ZBTB16: variants seen among roughly 807,000 people sequenced by gnomAD.
ZBTB16 encodes zinc finger and BTB domain containing 16.
In ZBTB16, 8 loss-of-function variants were observed where a neutral mutation model predicts 56.8. That is an observed-to-expected ratio of 0.14 (90% CI 0.08 to 0.25). The LOEUF is 0.25. Ranked by LOEUF, ZBTB16 falls within the 10% of genes least tolerant of loss-of-function variation. The probability of loss-of-function intolerance (pLI) is 1.00; values close to 1 mark genes in which losing one functional copy is unlikely to be tolerated. For synonymous variants in ZBTB16, 363 were observed against 368.5 expected, an observed-to-expected ratio of 0.98 and a Z score of 0.17; for missense variants, 625 against 903.0, an observed-to-expected ratio of 0.69 and a Z score of 3.95.
intron 2 of ZBTB16, among the ~76,000 whole-genome samples, chr11:114,090,541 G>A (rs537523339): frequency 6.6e-6 from 1 of 152,354 alleles, no homozygotes. Context: ...GGACTTTCTG[G>A]TGGTGAGAAG....
chr11:114,112,269 G>C (rs1448418161), intron 2 of ZBTB16, among the ~76,000 whole-genome samples: 1 of 152,026 alleles, frequency 6.6e-6, no homozygotes, highest in Non-Finnish European at 1.5e-5. Flanking sequence ...TTTTGATTAT[G>C]GTTCCTTTCA....
intron 2 of ZBTB16, among the ~76,000 whole-genome samples, chr11:114,072,917 T>TG (rs1220235803): frequency 5.9e-5 from 9 of 151,270 alleles, no homozygotes; most frequent in Admixed American, 1.3e-4. Context: ...CCGGGCGTGG[T>TG]GGGGGGCGCC....
chr11:114,076,701 G>C (rs917536521), intron 2 of ZBTB16, among the ~76,000 whole-genome samples: 2 of 140,794 alleles, frequency 1.4e-5, no homozygotes, highest in Middle Eastern at 3.7e-3. Context: ...GCTAAATCGA[G>C]TGACTCTAAA....
At chr11:114,107,374 C>T (rs1940831922) in intron 2 of ZBTB16, among the ~76,000 whole-genome samples, 1 of 152,230 alleles carries the variant, frequency 6.6e-6, no homozygotes, top group Non-Finnish European at 1.5e-5. Context: ...TTCACTCCCT[C>T]AAGTCTCAGA....
chr11:114,167,250 T>TTTG (rs1565663273), intron 3 of ZBTB16, among the ~76,000 whole-genome samples: 1 of 142,388 alleles, frequency 7.0e-6, no homozygotes, highest in Non-Finnish European at 1.5e-5. Flanking sequence ...TTTTTTTTTT[T>TTTG]TTTGACAAGC....
chr11:114,093,420 C>T lies in ZBTB16; in HGVS notation c.1268+28852C>T, dbSNP rs139664920. ...TTTGTTCCCCGATTCCCCTCTCTTC[C>T]TCCACTACACTCAGCCCTGCTGCTG... is the stretch of plus-strand genomic sequence containing the variant. On this transcript the variant is annotated intron_variant, in intron 2 of 6. Transcript: ENST00000335953. Among the ~76,000 whole-genome samples the T allele has an allele frequency of 3.3e-5, 5 of 152,292 alleles. No homozygotes were observed. In the East Asian group the frequency reaches 9.6e-4, roughly 29 times the overall value.
chr11:114,156,509 C>G, intron 3 of ZBTB16, 75 bp downstream of exon 3: 2 of 1,361,760 alleles, frequency 1.5e-6, no homozygotes, highest in African/African-American at 2.8e-5. Flanking sequence ...CTCCTCAGAG[C>G]CTGCTGTGGC....
chr11:114,213,382 T>C (rs1315600208), intron 4 of ZBTB16, among the ~76,000 whole-genome samples: 2 of 152,178 alleles, frequency 1.3e-5, no homozygotes, highest in Non-Finnish European at 2.9e-5. Context: ...ATACAAAGAA[T>C]TTTCTTCTAA....
Position 114,082,545 on chromosome 11 carries a change from A to G in ZBTB16, c.1268+17977A>G, listed in dbSNP as rs559442099. On this transcript the variant is annotated intron_variant, in intron 2 of 6. Transcript: ENST00000335953. The stretch of plus-strand genomic sequence containing the variant: ...GAGAGTGACGTGACTGGAGTGCTCC[A>G]TACTGATGTGACATCCACTAGGCAT... Among the ~76,000 whole-genome samples the G allele has an allele frequency of 1.2e-3, 182 of 152,328 alleles. 1 individual carries two copies. Among genetic ancestry groups the G allele is most frequent in the Non-Finnish European group, 8.4e-4 (57 of 68,030 alleles).
chr11:114,227,562 C>T (rs12421810), intron 4 of ZBTB16, among the ~76,000 whole-genome samples: 4 of 152,186 alleles, frequency 2.6e-5, no homozygotes, highest in Non-Finnish European at 5.9e-5. Context: ...GAGGTCGCAG[C>T]TCTCATGCAG....
intron 4 of ZBTB16, among the ~76,000 whole-genome samples, chr11:114,190,758 CATAT>C (rs879393184): frequency 3.6e-5 from 4 of 111,714 alleles, no homozygotes; most frequent in African/African-American, 1.2e-4. Flanking sequence ...CACACACACA[CATAT>C]ATATACACAC....
At chr11:114,146,930 A>G (rs1377745975) in intron 2 of ZBTB16, among the ~76,000 whole-genome samples, 1 of 151,978 alleles carries the variant, frequency 6.6e-6, no homozygotes, top group Non-Finnish European at 1.5e-5. Flanking sequence ...AGAAAGAACC[A>G]GTAAGGAAGC....
chr11:114,201,300 G>A (rs1323861087), intron 4 of ZBTB16, among the ~76,000 whole-genome samples: 1 of 152,108 alleles, frequency 6.6e-6, no homozygotes, highest in African/African-American at 2.4e-5. Context: ...AGACAGCCAG[G>A]AGAGGAGAAA....
At chr11:114,089,731 G>A (rs1253680372) in intron 2 of ZBTB16, among the ~76,000 whole-genome samples, 1 of 152,208 alleles carries the variant, frequency 6.6e-6, no homozygotes, top group Non-Finnish European at 1.5e-5. Context: ...TTGCATCTGA[G>A]TTAGTCAATG....
At chr11:114,239,493 C>T (rs1234421967) in intron 4 of ZBTB16, among the ~76,000 whole-genome samples, 1 of 152,158 alleles carries the variant, frequency 6.6e-6, no homozygotes, top group Non-Finnish European at 1.5e-5. Context: ...ATTGCAGATG[C>T]ACTGTCCTCC....
intron 2 of ZBTB16, among the ~76,000 whole-genome samples, chr11:114,119,372 CTGTGTG>C (rs960608847): frequency 3.4e-4 from 49 of 143,286 alleles, no homozygotes; most frequent in Non-Finnish European, 6.3e-4. Context: ...GTGTTTGTGT[CTGTGTG>C]TGTGTGCACA....
intron 3 of ZBTB16, among the ~76,000 whole-genome samples, chr11:114,165,111 A>G (rs1942708944): frequency 6.6e-6 from 1 of 151,492 alleles, no homozygotes; most frequent in South Asian, 2.1e-4. Context: ...ACCACCTCAA[A>G]GTTTTTTTTA....
intron 2 of ZBTB16, among the ~76,000 whole-genome samples, chr11:114,130,268 C>T (rs1419034449): frequency 6.6e-6 from 1 of 152,196 alleles, no homozygotes; most frequent in Admixed American, 6.5e-5. Context: ...TCCCTCTGGA[C>T]TCCGCCAGCT....
At chr11:114,107,656 T>C (rs2137770695) in intron 2 of ZBTB16, among the ~76,000 whole-genome samples, 1 of 152,320 alleles carries the variant, frequency 6.6e-6, no homozygotes, top group East Asian at 1.9e-4. Context: ...GTGCGCAACA[T>C]TGACTTTTTC....
Sources: allele counts gnomAD v4.1 joint callset (sites outside exome capture counted in the v4.1 genomes callset), GRCh38; gene constraint gnomAD v4.1.1; transcripts MANE v1.5; gene names NCBI Gene and HGNC (gene_info 2026-07-23, HGNC 2026-07-21).